The following RSF1 variants were observed in gnomAD, a reference collection of about 807,000 sequenced individuals.
RSF1 encodes the protein remodeling and spacing factor 1, also known as HBV pX-associated protein 8.
RSF1 carries 13 observed loss-of-function variants against 145.2 expected under a neutral mutation model. That is an observed-to-expected ratio of 0.09 (90% CI 0.06 to 0.14). The LOEUF is 0.14. Among genes scored for constraint, RSF1 ranks in the 10% least tolerant of loss-of-function variants. The pLI, the probability that RSF1 is intolerant of heterozygous loss-of-function variation, is 1.00. For synonymous variants in RSF1, 577 were observed against 592.6 expected (o/e 0.97, Z 0.38); for missense variants, 1,517 against 1,718.2 (o/e 0.88, Z 2.07).
chr11:77,820,945 C>T, upstream of RSF1: 1 of 556,590 alleles, frequency 1.8e-6, no homozygotes, highest in Non-Finnish European at 3.1e-6. Flanking sequence ...TCACTTTCCG[C>T]CCTCTTTCCG....
chr11:77,866,713 G>C, the RSF1 span: 1 of 151,470 alleles, frequency 6.6e-6, no homozygotes, highest in African/African-American at 2.4e-5. Context: ...CTGGGTGAGA[G>C]AGTGAGACTC....
At chr11:77,851,188 C>T in the RSF1 span, among the ~76,000 whole-genome samples, 22 of 152,156 alleles carry the variant, frequency 1.4e-4, no homozygotes, top group Admixed American at 2.0e-4. Flanking sequence ...CTCCTGACCT[C>T]GTGATCCACC....
chr11:77,816,329 C>T (rs1256395707), intron 1 of RSF1, among the ~76,000 whole-genome samples: 1 of 152,178 alleles, frequency 6.6e-6, no homozygotes, highest in Non-Finnish European at 1.5e-5. Context: ...TCCACTTTAT[C>T]AAATGCACCT....
chr11:77,863,545 C>T, the RSF1 span, among the ~76,000 whole-genome samples: 2 of 152,272 alleles, frequency 1.3e-5, no homozygotes, highest in East Asian at 3.9e-4. Context: ...TGTGCCACTA[C>T]GCCTGGCTAA....
chr11:77,852,604 G>C, the RSF1 span, among the ~76,000 whole-genome samples: 3 of 151,994 alleles, frequency 2.0e-5, no homozygotes, highest in African/African-American at 4.8e-5. Context: ...CCATATCATA[G>C]ATACACTTAG....
At chr11:77,871,701 C>A in the RSF1 span, among the ~76,000 whole-genome samples, 4 of 152,074 alleles carry the variant, frequency 2.6e-5, no homozygotes, top group Non-Finnish European at 2.9e-5. Context: ...AGCTAGCATG[C>A]GGCAAAGAAG....
At chr11:77,692,681 G>GT (rs71046905) in intron 8 of RSF1, among the ~76,000 whole-genome samples, 136 of 137,046 alleles carry the variant, frequency 9.9e-4, no homozygotes, top group South Asian at 4.0e-3. Context: ...GCCTGGCGGT[G>GT]TTTTTTTTTT....
chr11:77,671,387 T>C (rs1225432745), intron 15 of RSF1, among the ~76,000 whole-genome samples: 1 of 151,028 alleles, frequency 6.6e-6, no homozygotes, highest in Non-Finnish European at 1.5e-5. Context: ...GCACTTTTAT[T>C]TGAAACCTTT....
In RSF1 at chr11:77,663,669, A is replaced by C. The variant is rs1405485334; in HGVS notation, c.*3248T>G. ...AATATCTCTGCCATCATTTTGCAGTAATGTGCCAATGATGGAAAATGTTTT... is the reference window on the plus strand; with the variant it reads ...AATATCTCTGCCATCATTTTGCAGTCATGTGCCAATGATGGAAAATGTTTT... On this transcript the variant is annotated 3_prime_UTR_variant, in exon 16 of 16. Coordinates refer to ENST00000308488, the MANE Select transcript of RSF1 (RefSeq NM_016578.4). 6.6e-6 allele frequency: 1 copy of C among 152,202 alleles called. No homozygotes were observed. The highest frequency in any genetic ancestry group is 1.5e-5 in the Non-Finnish European group (1 of 68,046). 9.4% of individuals were successfully genotyped at this position (152,202 alleles called of 1,614,324 possible). A position where few individuals can be genotyped will look rare whatever the true frequency, so the allele number is the denominator to read the frequency against.
At chr11:77,815,458 TAAC>T (rs1005187710) in intron 1 of RSF1, among the ~76,000 whole-genome samples, 6 of 152,222 alleles carry the variant, frequency 3.9e-5, no homozygotes, top group African/African-American at 1.2e-4. Flanking sequence ...TTATTAAATC[TAAC>T]AACACACATA....
At chr11:77,777,464 G>A (rs1041059278) in intron 1 of RSF1, among the ~76,000 whole-genome samples, 9 of 152,026 alleles carry the variant, frequency 5.9e-5, no homozygotes, top group Non-Finnish European at 1.3e-4. Context: ...GTGGTGGCGG[G>A]CGCCTGTAGT....
chr11:77,672,379 G>C (rs72947606), intron 14 of RSF1, 149 bp from the exon 15 acceptor site: 87,900 of 657,890 alleles, frequency 0.13, 6,518 homozygotes, highest in Admixed American at 0.21. Context: ...TTTTATTTGA[G>C]AGAGTATCTC....
intron 11 of RSF1, among the ~76,000 whole-genome samples, chr11:77,681,206 G>T (rs1424135821): frequency 1.3e-5 from 2 of 152,060 alleles, no homozygotes; most frequent in African/African-American, 4.8e-5. Context: ...CTGTCATGGT[G>T]GATTAACACA....
chr11:77,717,833 T>C (rs1432516489), intron 5 of RSF1: 1 of 152,242 alleles, frequency 6.6e-6, no homozygotes, highest in Non-Finnish European at 1.5e-5. Flanking sequence ...ATGAGTAACA[T>C]CATAAATATC....
intron 5 of RSF1, among the ~76,000 whole-genome samples, chr11:77,712,082 A>G (rs1359339032): frequency 1.3e-5 from 2 of 152,230 alleles, no homozygotes. Context: ...ATAAAGAGTT[A>G]CATGATGTCA....
intron 12 of RSF1, 112 bp downstream of exon 12, chr11:77,677,974 A>G: frequency 1.3e-6 from 1 of 746,228 alleles, no homozygotes; most frequent in Non-Finnish European, 2.4e-6. Flanking sequence ...AGTACTAATC[A>G]TGATACATAA....
chr11:77,863,477 A>T, the RSF1 span, among the ~76,000 whole-genome samples: 1 of 152,200 alleles, frequency 6.6e-6, no homozygotes, highest in Non-Finnish European at 1.5e-5. Flanking sequence ...CAAAGAAGGT[A>T]GCCTGCGTTT....
chr11:77,780,861 T>C (rs1343675773), intron 1 of RSF1, among the ~76,000 whole-genome samples: 4 of 148,204 alleles, frequency 2.7e-5, no homozygotes, highest in Non-Finnish European at 5.9e-5. Flanking sequence ...ACTAAATAAA[T>C]GGTTCTCCCA....
chr11:77,714,610 G>C (rs1960762271), intron 5 of RSF1, among the ~76,000 whole-genome samples: 1 of 152,226 alleles, frequency 6.6e-6, no homozygotes, highest in East Asian at 1.9e-4. Flanking sequence ...GGGAGGCCGA[G>C]ACAGGCAGAT....
Sources: gnomAD v4.1 joint callset for allele counts (sites outside exome capture counted in the v4.1 genomes callset) on GRCh38, gnomAD v4.1.1 for gene constraint, MANE v1.5 for transcripts, NCBI Gene and HGNC (gene_info 2026-07-23, HGNC 2026-07-21) for gene names.